Variants in TBX15 observed in about 807,000 individuals in gnomAD.
The protein encoded by TBX15 is T-box transcription factor 15, also known as T-box transcription factor TBX15.
Under a neutral mutation model 53.9 loss-of-function variants are expected in TBX15, and 18 were observed. The observed-to-expected ratio is 0.33, with a 90% CI of 0.23 to 0.49. TBX15 has a LOEUF of 0.49. TBX15 is among the 20% of genes least tolerant of loss of function. The pLI is 0.98. For synonymous variants in TBX15, 295 were observed against 278.0 expected (o/e 1.06, Z -0.61); for missense variants, 692 against 749.5 (o/e 0.92, Z 0.90).
chr1:118,893,313 G>GGAAA (rs1553218102), intron 7 of TBX15, among the ~76,000 whole-genome samples: 2 of 90,146 alleles, frequency 2.2e-5, no homozygotes, highest in Admixed American at 1.2e-4. Context: ...AAGGAAGGAA[G>GGAAA]GAAAGAAAGA....
chr1:118,897,038 G>A (rs192332898), intron 7 of TBX15, among the ~76,000 whole-genome samples: 5 of 152,276 alleles, frequency 3.3e-5, no homozygotes, highest in African/African-American at 9.6e-5. Context: ...TCACTGAAGC[G>A]TTTTGAAAGT....
chr1:118,920,580 G>T (rs1237999787), intron 5 of TBX15, among the ~76,000 whole-genome samples: 1 of 152,116 alleles, frequency 6.6e-6, no homozygotes, highest in African/African-American at 2.4e-5. Flanking sequence ...AAGACTCGGG[G>T]TCCAGCACTT....
chr1:118,898,612 A>T (rs1654510010), intron 7 of TBX15, among the ~76,000 whole-genome samples: 1 of 152,162 alleles, frequency 6.6e-6, no homozygotes, highest in Admixed American at 6.5e-5. Flanking sequence ...GATACAATTT[A>T]TTCCCATTGT....
intron 1 of TBX15, among the ~76,000 whole-genome samples, chr1:118,973,232 T>C (rs571070851): frequency 3.3e-5 from 5 of 152,214 alleles, no homozygotes; most frequent in Non-Finnish European, 7.3e-5. Flanking sequence ...CCAGAAGAGT[T>C]GCTCAAATCA....
chr1:118,967,130 A>G (rs1657058621), intron 1 of TBX15, among the ~76,000 whole-genome samples: 1 of 152,234 alleles, frequency 6.6e-6, no homozygotes, highest in South Asian at 2.1e-4. Flanking sequence ...ACAGACGTAA[A>G]CAAATAATTG....
chr1:118,986,245 C>T (rs73011334), intron 1 of TBX15, among the ~76,000 whole-genome samples: 2,169 of 152,302 alleles, frequency 0.014, 49 homozygotes, highest in African/African-American at 0.049. Context: ...CACACAGTAG[C>T]CCTGGGTGCC....
At chr1:118,886,755 G>T (rs1224384668) in intron 7 of TBX15, among the ~76,000 whole-genome samples, 1 of 152,212 alleles carries the variant, frequency 6.6e-6, no homozygotes, top group Non-Finnish European at 1.5e-5. Context: ...CTCTGATTCT[G>T]TAAGTCTGGG....
At chr1:118,952,371 AC>A (rs1340966485) in intron 1 of TBX15, among the ~76,000 whole-genome samples, 1 of 152,056 alleles carries the variant, frequency 6.6e-6, no homozygotes, top group Admixed American at 6.5e-5. Flanking sequence ...CAGCACCACA[AC>A]CCTCACATTT....
chr1:118,918,454 T>C (rs10802065), intron 5 of TBX15, among the ~76,000 whole-genome samples: 31,002 of 151,986 alleles, frequency 0.2, 3,916 homozygotes, highest in East Asian at 0.54. Flanking sequence ...TTGATTCTAT[T>C]TGCTTTCACT....
chr1:118,890,953 G>A, intron 7 of TBX15: 1 of 1,303,804 alleles, frequency 7.7e-7, no homozygotes. Flanking sequence ...TCCTTGAGAA[G>A]TCTTCTTTGA....
intron 1 of TBX15, among the ~76,000 whole-genome samples, chr1:118,974,048 G>T (rs1343034918): frequency 6.6e-6 from 1 of 152,194 alleles, no homozygotes; most frequent in African/African-American, 2.4e-5. Context: ...ACCAAGGCCT[G>T]GCTGGTTGCA....
intron 1 of TBX15, among the ~76,000 whole-genome samples, chr1:118,943,094 T>C (rs979164011): frequency 3.3e-5 from 5 of 152,196 alleles, no homozygotes; most frequent in Admixed American, 2.0e-4. Flanking sequence ...AAAATGGAGA[T>C]AGTGGATACC....
At chr1:118,974,681 G>C (rs906296266) in intron 1 of TBX15, among the ~76,000 whole-genome samples, 8 of 152,154 alleles carry the variant, frequency 5.3e-5, no homozygotes, top group Admixed American at 3.9e-4. Context: ...ATTGAGAAGA[G>C]AGACTTCTGC....
At chr1:118,985,638 C>A (rs59382657) in intron 1 of TBX15, among the ~76,000 whole-genome samples, 1 of 152,244 alleles carries the variant, frequency 6.6e-6, no homozygotes, top group Admixed American at 6.5e-5. Flanking sequence ...GGGCTTTCAG[C>A]TTCTTCCTCC....
chr1:118,955,602 G>C (rs1254378877), intron 1 of TBX15, among the ~76,000 whole-genome samples: 1 of 152,106 alleles, frequency 6.6e-6, no homozygotes, highest in East Asian at 1.9e-4. Context: ...GACATTTTCC[G>C]CTAGAGTCTA....
At chr1:118,889,037 G>A (rs1343305634) in intron 7 of TBX15, among the ~76,000 whole-genome samples, 1 of 152,166 alleles carries the variant, frequency 6.6e-6, no homozygotes, top group Non-Finnish European at 1.5e-5. Context: ...GACATTCACT[G>A]GAAATGAGAC....
intron 1 of TBX15, among the ~76,000 whole-genome samples, chr1:118,961,864 G>T (rs1409157): frequency 0.56 from 85,009 of 152,016 alleles, 24,563 homozygotes; most frequent in Non-Finnish European, 0.61. Flanking sequence ...CAAGTGCTGA[G>T]ATAAGACCCT....
At chr1:118,988,620 T>G (rs1657925900), upstream of TBX15, among the ~76,000 whole-genome samples, 1 of 152,134 alleles carries the variant, frequency 6.6e-6, no homozygotes, top group South Asian at 2.1e-4. Context: ...ATCCATACGT[T>G]TTTCTTCCAG....
chr1:118,897,592 C>A (rs1004601779), intron 7 of TBX15, among the ~76,000 whole-genome samples: 1 of 152,078 alleles, frequency 6.6e-6, no homozygotes, highest in Admixed American at 6.6e-5. Context: ...TTCCTCACAC[C>A]AAAAAATTAT....
Sources: allele counts gnomAD v4.1 joint callset (sites outside exome capture counted in the v4.1 genomes callset), GRCh38; gene constraint gnomAD v4.1.1; transcripts MANE v1.5; gene names NCBI Gene and HGNC (gene_info 2026-07-23, HGNC 2026-07-21).